Variants in RTN3 observed in about 807,000 individuals in gnomAD.
RTN3 encodes the protein reticulon-3.
A neutral mutation model predicts 77.8 loss-of-function variants in RTN3; 49 were observed. That is an observed-to-expected ratio of 0.63 (90% confidence interval 0.50 to 0.80). The LOEUF is 0.80. RTN3 is among the 30% of genes least tolerant of loss of function. The probability of loss-of-function intolerance (pLI) is 0.00; values close to 1 mark genes in which losing one functional copy is unlikely to be tolerated. For synonymous variants in RTN3, 464 were observed against 446.9 expected (o/e 1.04, Z -0.48); for missense variants, 1,236 against 1,211.9 (o/e 1.02, Z -0.29).
chr11:63,741,391 G>A (rs2013468890), intron 3 of RTN3, among the ~76,000 whole-genome samples: 1 of 151,416 alleles, frequency 6.6e-6, no homozygotes, highest in Non-Finnish European at 1.5e-5. Flanking sequence ...TAGTAGAGAG[G>A]GGGTTTCACC....
chr11:63,681,678 CTCG>C lies in RTN3; in HGVS notation c.48_50del (p.Ser17del). ...CGGCCACTCAGTCCCATTCCATCTC[CTCG>C]TCGTCCTTCGGAGCCGAGCCGTCCG... On this transcript the variant is annotated inframe_deletion, in exon 1 of 9. Transcript: ENST00000377819. The C allele has an allele frequency of 6.2e-7, 1 of 1,611,886 alleles. No individual in the cohort carries two copies. The highest frequency in any genetic ancestry group is 1.1e-5 in the South Asian group (1 of 90,890).
rs969382879 is a variant in RTN3 at position 63,759,000 on chromosome 11, C to T, written c.*799C>T. On this transcript the variant is annotated 3_prime_UTR_variant, in exon 9 of 9. Coordinates refer to ENST00000377819, the MANE Select transcript of RTN3 (RefSeq NM_001265589.2). ...CCCGAATGTGCTTTCCTCCCTCTCC[C>T]CTGCCCACCTCAAGTTTAATAAATA... is the stretch of plus-strand genomic sequence containing the variant. 4 of 152,360 alleles carry T rather than the reference C, an allele frequency of 2.6e-5. No homozygotes were observed. In the East Asian group the frequency reaches 5.8e-4, roughly 22 times the overall value. 9.4% of individuals were successfully genotyped at this position (152,360 alleles called of 1,614,324 possible). A position where few individuals can be genotyped will look rare whatever the true frequency, so the allele number is the denominator to read the frequency against.
At chr11:63,740,968 A>G (rs2013433032) in intron 3 of RTN3, among the ~76,000 whole-genome samples, 1 of 152,118 alleles carries the variant, frequency 6.6e-6, no homozygotes, top group African/African-American at 2.4e-5. Flanking sequence ...CCTATTTTAC[A>G]AATGAGGGAC....
chr11:63,733,788 G>T (rs545067061), intron 3 of RTN3, among the ~76,000 whole-genome samples: 2 of 152,022 alleles, frequency 1.3e-5, no homozygotes, highest in Non-Finnish European at 2.9e-5. Context: ...CTACTCGGGA[G>T]GCTGAGGCAG....
At position 63,729,924 on chromosome 11, in the gene RTN3, A is replaced by G. The variant is rs151188272; in HGVS notation, c.2530+8892A>G. On this transcript the variant is annotated intron_variant, in intron 3 of 8. Transcript: ENST00000377819. ...CCTCCCACTTCACCTTTTTGGGACT[A>G]TAGGTATATGCCACGATGCCCAACT... Among the ~76,000 whole-genome samples the G allele has an allele frequency of 2.4e-4, 37 of 152,050 alleles. No homozygotes were observed. The East Asian group carries it at 6.6e-3, about 27-fold the overall frequency.
At chr11:63,707,962 A>G (rs1267830170) in intron 2 of RTN3, among the ~76,000 whole-genome samples, 3 of 152,238 alleles carry the variant, frequency 2.0e-5, no homozygotes, top group Admixed American at 6.5e-5. Context: ...GTGGGGCCCT[A>G]CGTCATTGGC....
At position 63,742,593 on chromosome 11, in the gene RTN3, C is replaced by T. The variant is rs556093071; in HGVS notation, c.2531-7398C>T. 9.9e-5 allele frequency among the ~76,000 whole-genome samples: 15 copies of T among 151,970 alleles called. No individual in the cohort carries two copies. In the South Asian group the frequency reaches 2.9e-3, roughly 29 times the overall value. On this transcript the variant is annotated intron_variant, in intron 3 of 8. Coordinates refer to ENST00000377819, the MANE Select transcript of RTN3 (RefSeq NM_001265589.2). The stretch of plus-strand genomic sequence containing the variant: ...CCTGGATGCGGAGGTTGCATTGAGC[C>T]GAGATCATGCCACTGCACTCCAGCC...
At chr11:63,712,697 G>A (rs986481343) in intron 2 of RTN3, among the ~76,000 whole-genome samples, 4 of 151,800 alleles carry the variant, frequency 2.6e-5, no homozygotes, top group African/African-American at 7.3e-5. Flanking sequence ...ATGTTGATCC[G>A]GCTGGTCTTG....
intron 8 of RTN3, 41 bp downstream of exon 8, chr11:63,756,211 C>T (rs1246564515): frequency 1.5e-6 from 2 of 1,354,018 alleles, no homozygotes; most frequent in Non-Finnish European, 2.1e-6. Flanking sequence ...AGGTATGCTT[C>T]CTTCCCCCCA....
Position 63,752,376 on chromosome 11 carries a change from T to C in RTN3, c.2739-131T>C, listed in dbSNP as rs892399117. On this transcript the variant is annotated intron_variant, in intron 4 of 8. Transcript: ENST00000377819. ...GACAGTGTGTCTCCACCCCACCTGA[T>C]GACAACAAAAAAATGCTCCTACAGG... 23 of 782,336 alleles carry C rather than the reference T, an allele frequency of 2.9e-5. No homozygotes were observed. The East Asian group carries it at 5.4e-4, about 18-fold the overall frequency. 48.5% of individuals were successfully genotyped at this position (782,336 alleles called of 1,614,324 possible). A position where few individuals can be genotyped will look rare whatever the true frequency, so the allele number is the denominator to read the frequency against.
chr11:63,689,376 G>C (rs1483406664), intron 1 of RTN3, among the ~76,000 whole-genome samples: 1 of 152,174 alleles, frequency 6.6e-6, no homozygotes, highest in Non-Finnish European at 1.5e-5. Flanking sequence ...ATAGGGTATG[G>C]TGTTGATGTT....
rs539746924 is a variant in RTN3, at chr11:63,752,089, T to A, written c.2739-418T>A. Reference sequence around the variant, plus strand: ...ATGTGGTTTTCCAAAATGTTTTTTTTAAAAAACAAAAACAGCAAAATTTTA... The same window carrying A: ...ATGTGGTTTTCCAAAATGTTTTTTTAAAAAAACAAAAACAGCAAAATTTTA... On this transcript the variant is annotated intron_variant, in intron 4 of 8. Transcript: ENST00000377819. Among the ~76,000 whole-genome samples the A allele has an allele frequency of 1.9e-4, 28 of 150,648 alleles. No homozygotes were observed. The South Asian group carries it at 2.3e-3, about 12-fold the overall frequency.
chr11:63,757,722 C>CT lies in RTN3; in HGVS notation c.3054-417dup, dbSNP rs71039672. On this transcript the variant is annotated intron_variant, in intron 8 of 8. Transcript: ENST00000377819. ...AATTTGTTAACATTTTTCTTTTTTT[C>CT]TTTTTTTTTTTTTTTTTGAGATGGA... Among the ~76,000 whole-genome samples the CT allele has an allele frequency of 1.4e-3, 144 of 106,310 alleles. 1 individual carries two copies. The highest frequency in any genetic ancestry group is 3.4e-3 in the South Asian group (11 of 3,278). The allele number at this position is 106,310 out of a possible 152,430, so 69.7% of individuals were successfully genotyped here. A position where few individuals can be genotyped will look rare whatever the true frequency, so the allele number is the denominator to read the frequency against.
chr11:63,733,815 C>G (rs114998887), intron 3 of RTN3, among the ~76,000 whole-genome samples: 1 of 151,738 alleles, frequency 6.6e-6, no homozygotes, highest in African/African-American at 2.4e-5. Flanking sequence ...TGCTTGGGCC[C>G]AGGAAGTCGA....
intron 3 of RTN3, among the ~76,000 whole-genome samples, chr11:63,721,529 C>T (rs1238264849): frequency 2.0e-5 from 3 of 148,962 alleles, no homozygotes; most frequent in Non-Finnish European, 4.4e-5. Context: ...GAGATGAGAT[C>T]GCGCCAGTAC....
intron 3 of RTN3, among the ~76,000 whole-genome samples, chr11:63,746,411 A>G (rs2013797010): frequency 6.6e-6 from 1 of 152,210 alleles, no homozygotes; most frequent in African/African-American, 2.4e-5. Context: ...GATTGCAAAC[A>G]TTCTGCCTCT....
In RTN3 at chr11:63,692,883, G is replaced by C. The variant is rs1352909727; in HGVS notation, c.142+11105G>C. Among the ~76,000 whole-genome samples the C allele has an allele frequency of 2.0e-5, 3 of 152,062 alleles. No homozygotes were observed. The East Asian group carries it at 5.8e-4, about 29-fold the overall frequency. On this transcript the variant is annotated intron_variant, in intron 1 of 8. Coordinates refer to ENST00000377819, the MANE Select transcript of RTN3 (RefSeq NM_001265589.2). ...AAGTACTTTTTAATGGGAACAACTT[G>C]ACCAAATTTGTCACAATTTGTCACA...
chr11:63,685,104 C>G (rs1171478897), intron 1 of RTN3, among the ~76,000 whole-genome samples: 1 of 152,136 alleles, frequency 6.6e-6, no homozygotes, highest in African/African-American at 2.4e-5. Context: ...AATGTGCATT[C>G]ATATTGTCTA....
chr11:63,686,579 C>T (rs2959883), intron 1 of RTN3, among the ~76,000 whole-genome samples: 1 of 151,898 alleles, frequency 6.6e-6, no homozygotes, highest in South Asian at 2.1e-4. Flanking sequence ...AATCCCAGCA[C>T]TTTGGGAGGC....
Sources: allele counts gnomAD v4.1 joint callset (sites outside exome capture counted in the v4.1 genomes callset), GRCh38; gene constraint gnomAD v4.1.1; transcripts MANE v1.5; gene names NCBI Gene and HGNC (gene_info 2026-07-23, HGNC 2026-07-21).